PIP5K1C: variants seen among roughly 807,000 people sequenced by gnomAD.
The protein encoded by PIP5K1C is phosphatidylinositol-4-phosphate 5-kinase type 1 gamma.
PIP5K1C carries 45 observed loss-of-function variants against 80.1 expected under a neutral mutation model. The observed-to-expected ratio is 0.56, with a 90% confidence interval of 0.44 to 0.72. The LOEUF (loss-of-function observed/expected upper bound fraction) is 0.72. PIP5K1C is among the 30% of genes least tolerant of loss of function. The pLI, the probability that PIP5K1C is intolerant of heterozygous loss-of-function variation, is 0.00. For synonymous variants in PIP5K1C, 498 were observed against 420.1 expected (o/e 1.19, Z -2.27); for missense variants, 753 against 954.6 (o/e 0.79, Z 2.78).
At chr19:3,671,169 A>C (rs1338488851) in intron 1 of PIP5K1C, among the ~76,000 whole-genome samples, 1 of 152,132 alleles carries the variant, frequency 6.6e-6, no homozygotes, top group Non-Finnish European at 1.5e-5. Context: ...CTCCCTGCCC[A>C]CAGTCCTGAC....
chr19:3,663,331 T>C (rs1191449362), intron 3 of PIP5K1C, among the ~76,000 whole-genome samples: 1 of 151,422 alleles, frequency 6.6e-6, no homozygotes, highest in South Asian at 2.1e-4. Context: ...AGGTCGGGAG[T>C]TGGGAGTTGG....
rs550850511 is a variant in PIP5K1C at position 3,659,925 on chromosome 19, C to T, written c.468+1041G>A. ...CAGGCTCCCGGCCCCGGGGACCGTG[C>T]TGTCGTGACAACCAGAACGCCAACC... On this transcript the variant is annotated intron_variant, in intron 5 of 17. Coordinates refer to ENST00000335312, the MANE Select transcript of PIP5K1C (RefSeq NM_012398.3). Among the ~76,000 whole-genome samples, 5 of 152,358 alleles carry T rather than the reference C, an allele frequency of 3.3e-5. No individual in the cohort carries two copies. In the East Asian group the frequency reaches 7.7e-4, roughly 24 times the overall value.
intron 1 of PIP5K1C, 121 bp from the exon 2 acceptor site, chr19:3,667,474 G>C (rs1292209163): frequency 9.5e-7 from 1 of 1,055,462 alleles, no homozygotes; most frequent in Non-Finnish European, 1.5e-6. Flanking sequence ...GCGTGGGGCT[G>C]GTCTCAAGGC....
chr19:3,643,047 C>T, intron 13 of PIP5K1C, 108 bp from the exon 14 acceptor site: 2 of 1,485,348 alleles, frequency 1.3e-6, no homozygotes, highest in East Asian at 4.5e-5. Flanking sequence ...CAGCCCTGCC[C>T]ACCTGTACAT....
At position 3,648,652 on chromosome 19, in the gene PIP5K1C, C is replaced by T. The variant is rs1460156170; in HGVS notation, c.1184G>A (p.Gly395Asp). The T allele has an allele frequency of 6.8e-6, 11 of 1,613,074 alleles. No homozygotes were observed. The highest frequency in any genetic ancestry group is 1.7e-5 in the Admixed American group (1 of 60,022). ...GRGERLLLHI[G>D]IIDILQSYRF... is the part of the protein sequence containing the mutation. ...GTAGGACTGCAGGATGTCGATGATG[C>T]CAATGTGCAGCAGCAGCCGCTCCCC... Residue 395 changes from glycine (G) to aspartate (D), a missense_variant, in exon 9 of 18, where the codon GGC (glycine) becomes GAC (aspartate). Transcript: ENST00000335312. The surrounding 1 kb of genome is among the most constrained non-coding windows in gnomAD (Gnocchi z 4.3).
chr19:3,678,226 GGGATGGA>G (rs1340269671), intron 1 of PIP5K1C, among the ~76,000 whole-genome samples: 2 of 137,390 alleles, frequency 1.5e-5, no homozygotes, highest in African/African-American at 2.8e-5. Context: ...GAGGGACGGA[GGGATGGA>G]GGATGGAGGA....
Position 3,648,692 on chromosome 19 carries a change from C to G in PIP5K1C, c.1144G>C (p.Ala382Pro), listed in dbSNP as rs549345573. 6.2e-7 allele frequency: 1 copy of G among 1,612,966 alleles called. No individual in the cohort carries two copies. Among genetic ancestry groups the G allele is most frequent in the Admixed American group, 1.7e-5 (1 of 60,024 alleles). The change falls in exon 9 of 18, where the codon GCT becomes CCT. Residue 382 changes from alanine to proline, a missense_variant. Transcript: ENST00000335312. This position sits in a 1 kb window ranked among gnomAD's most constrained non-coding sequence, Gnocchi z 4.3. Reference protein sequence around the residue: ...ESDDTMGGIPAVNGRGERLLL... With the variant: ...ESDDTMGGIPPVNGRGERLLL... ...AGCCGCTCCCCGCGGCCGTTCACAG[C>G]GGGGATCCCGCCCATCCTGGGGAGA...
rs2035983880 is a variant in PIP5K1C at position 3,692,719 on chromosome 19, C to T, written c.94+7578G>A. ...TGCCTGTGAGCTCCTGAGTCTCGCCCATCCCTCCTCTGCCCGCAGCCCTCC... is the reference window on the plus strand; with the variant it reads ...TGCCTGTGAGCTCCTGAGTCTCGCCTATCCCTCCTCTGCCCGCAGCCCTCC... On this transcript the variant is annotated intron_variant, in intron 1 of 17. Transcript: ENST00000335312. This position sits in a 1 kb window ranked among gnomAD's most constrained non-coding sequence, Gnocchi z 5.2. 6.6e-6 allele frequency among the ~76,000 whole-genome samples: 1 copy of T among 152,054 alleles called. No individual in the cohort carries two copies. Among genetic ancestry groups the T allele is most frequent in the Non-Finnish European group, 1.5e-5 (1 of 67,980 alleles).
chr19:3,700,078 G>A (rs1249026170), intron 1 of PIP5K1C, among the ~76,000 whole-genome samples: 1 of 151,996 alleles, frequency 6.6e-6, no homozygotes, highest in African/African-American at 2.4e-5. Flanking sequence ...CCCCCGGCCC[G>A]GGAGCGGTGG....
At position 3,688,664 on chromosome 19, in the gene PIP5K1C, G is replaced by GACCCGGATGAGCCCCATGGAGAA. The variant is rs2035848047; in HGVS notation, c.94+11610_94+11632dup. Reference sequence around the variant, plus strand: ...TGGTTTCGTGTCCCTCAGGGCTAGAGACCCGGATGAGCCCCATGGAGAAAC... The same window carrying GACCCGGATGAGCCCCATGGAGAA: ...TGGTTTCGTGTCCCTCAGGGCTAGAGACCCGGATGAGCCCCATGGAGAAACCCGGATGAGCCCCATGGAGAAAC... On this transcript the variant is annotated intron_variant, in intron 1 of 17. Transcript: ENST00000335312. The surrounding 1 kb of genome is among the most constrained non-coding windows in gnomAD (Gnocchi z 5.3). Among the ~76,000 whole-genome samples, 1 of 152,144 alleles carries GACCCGGATGAGCCCCATGGAGAA rather than the reference G, an allele frequency of 6.6e-6. No homozygotes were observed. The highest frequency in any genetic ancestry group is 2.4e-5 in the African/African-American group (1 of 41,404).
chr19:3,673,169 C>T (rs1600051971), intron 1 of PIP5K1C, among the ~76,000 whole-genome samples: 1 of 152,164 alleles, frequency 6.6e-6, no homozygotes, highest in Non-Finnish European at 1.5e-5. Flanking sequence ...CACGGGCCCT[C>T]GCTGTCCCTC....
intron 1 of PIP5K1C, among the ~76,000 whole-genome samples, chr19:3,699,866 T>G (rs1441642269): frequency 6.6e-6 from 1 of 152,148 alleles, no homozygotes; most frequent in African/African-American, 2.4e-5. Flanking sequence ...GGAGGTAAAC[T>G]GAGGCCCAGG....
At chr19:3,668,587 G>A (rs2035097181) in intron 1 of PIP5K1C, 1 of 152,326 alleles carries the variant, frequency 6.6e-6, no homozygotes, top group Non-Finnish European at 1.5e-5. Flanking sequence ...CCCCGTTCTG[G>A]GGCTGGACTC....
chr19:3,664,661 G>T (rs1043982013), intron 3 of PIP5K1C, among the ~76,000 whole-genome samples, 161 bp downstream of exon 3: 9 of 152,244 alleles, frequency 5.9e-5, no homozygotes, highest in African/African-American at 2.2e-4. Context: ...CCTCATGCAG[G>T]ACTGAGGACT....
At chr19:3,658,594 C>A (rs1348118103) in intron 5 of PIP5K1C, among the ~76,000 whole-genome samples, 1 of 152,234 alleles carries the variant, frequency 6.6e-6, no homozygotes, top group South Asian at 2.1e-4. Flanking sequence ...CAGGGGACCC[C>A]GCCAAGCCCT....
rs972548350 is a variant in PIP5K1C at position 3,637,703 on chromosome 19, C to T, written c.1920+1181G>A. 4.6e-5 allele frequency: 62 copies of T among 1,359,412 alleles called. No individual in the cohort carries two copies. In the Middle Eastern group the frequency reaches 1.1e-3, roughly 24 times the overall value. 84.2% of individuals were successfully genotyped at this position (1,359,412 alleles called of 1,614,324 possible). A position where few individuals can be genotyped will look rare whatever the true frequency, so the allele number is the denominator to read the frequency against. ...CACCCCCGTGGTCGGGTGGGAGAGGCGGAGGGAGGTGGCGGGGAGCAGGTG... is the reference window on the plus strand; with the variant it reads ...CACCCCCGTGGTCGGGTGGGAGAGGTGGAGGGAGGTGGCGGGGAGCAGGTG... On this transcript the variant is annotated intron_variant, in intron 16 of 17. Coordinates refer to ENST00000335312, the MANE Select transcript of PIP5K1C (RefSeq NM_012398.3). The surrounding 1 kb of genome is among the most constrained non-coding windows in gnomAD (Gnocchi z 7.0).
chr19:3,632,441 A>C lies in PIP5K1C; in HGVS notation c.*726T>G, dbSNP rs545657012. 1.3e-5 allele frequency: 2 copies of C among 152,444 alleles called. No individual in the cohort carries two copies. The highest frequency in any genetic ancestry group is 6.5e-5 in the Admixed American group (1 of 15,296). 9.4% of individuals were successfully genotyped at this position (152,444 alleles called of 1,614,324 possible). A position where few individuals can be genotyped will look rare whatever the true frequency, so the allele number is the denominator to read the frequency against. On this transcript the variant is annotated 3_prime_UTR_variant, in exon 18 of 18. Transcript: ENST00000335312. The stretch of plus-strand genomic sequence containing the variant: ...CGTGGGTGGCAGCCTGGGGAAGAGG[A>C]GGCCTGGCCCTCCAGCTGTGGTGGG...
intron 1 of PIP5K1C, among the ~76,000 whole-genome samples, chr19:3,679,576 C>T (rs1023317988): frequency 2.0e-5 from 3 of 152,276 alleles, no homozygotes; most frequent in South Asian, 2.1e-4. Context: ...TCAGTAGGGG[C>T]GCAGCAGCAC....
intron 1 of PIP5K1C, among the ~76,000 whole-genome samples, chr19:3,685,176 T>C (rs1339102014): frequency 6.6e-6 from 1 of 152,134 alleles, no homozygotes; most frequent in Non-Finnish European, 1.5e-5. Context: ...CAGCAATGGG[T>C]TGGGGACTCA....
Sources: allele counts gnomAD v4.1 joint callset (sites outside exome capture counted in the v4.1 genomes callset), GRCh38; gene constraint gnomAD v4.1.1; non-coding constraint Gnocchi (gnomAD v3.1); transcripts MANE v1.5; gene names NCBI Gene and HGNC (gene_info 2026-07-23, HGNC 2026-07-21).